The following PPP1R12B variants were observed in gnomAD, a reference collection of about 807,000 sequenced individuals.
The protein encoded by PPP1R12B is myosin phosphatase target subunit 2.
In PPP1R12B, 76 loss-of-function variants were observed where a neutral mutation model predicts 126.1. The ratio of observed to expected loss-of-function variants is 0.60; its 90% CI spans 0.50 to 0.73. The LOEUF (loss-of-function observed/expected upper bound fraction) is 0.73. Ranked by LOEUF, PPP1R12B falls within the 30% of genes least tolerant of loss-of-function variation. PPP1R12B has a pLI of 0.00. For synonymous variants in PPP1R12B, 356 were observed against 434.7 expected (o/e 0.82, Z 2.25); for missense variants, 1,052 against 1,205.1 (o/e 0.87, Z 1.88).
intron 18 of PPP1R12B, among the ~76,000 whole-genome samples, chr1:202,544,451 A>T (rs1009883217): frequency 1.3e-5 from 2 of 152,180 alleles, no homozygotes; most frequent in African/African-American, 4.8e-5. Flanking sequence ...TAATTTAAAA[A>T]TTTTTCAATG....
chr1:202,501,858 G>A, intron 18 of PPP1R12B: 2 of 985,072 alleles, frequency 2.0e-6, no homozygotes, highest in Non-Finnish European at 2.4e-6. Context: ...TTTTTACTCA[G>A]CAGGTTACAT....
chr1:202,398,993 T>A (rs750725939), intron 1 of PPP1R12B, among the ~76,000 whole-genome samples: 41 of 152,220 alleles, frequency 2.7e-4, no homozygotes, highest in South Asian at 4.1e-4. Flanking sequence ...ATATATATAT[T>A]TTTTGTAAAT....
intron 18 of PPP1R12B, among the ~76,000 whole-genome samples, chr1:202,526,674 T>G (rs1341686462): frequency 1.3e-5 from 2 of 152,108 alleles, no homozygotes; most frequent in African/African-American, 4.8e-5. Flanking sequence ...GGTTGAACAA[T>G]GAACAATAGT....
intron 18 of PPP1R12B, among the ~76,000 whole-genome samples, chr1:202,549,213 A>G (rs1166593155): frequency 1.3e-5 from 2 of 152,134 alleles, no homozygotes; most frequent in Non-Finnish European, 2.9e-5. Context: ...CTTATGTAAG[A>G]TCACTTACAA....
chr1:202,507,814 G>A (rs778757840), intron 18 of PPP1R12B, among the ~76,000 whole-genome samples: 10 of 152,148 alleles, frequency 6.6e-5, no homozygotes, highest in African/African-American at 9.7e-5. Flanking sequence ...GAGTTACCTC[G>A]GTTACAGAAG....
chr1:202,514,210 C>G (rs1319073875), intron 18 of PPP1R12B, among the ~76,000 whole-genome samples: 9 of 151,776 alleles, frequency 5.9e-5, no homozygotes, highest in Non-Finnish European at 1.3e-4. Flanking sequence ...TTTTCATATG[C>G]TTGTTGACTG....
chr1:202,509,113 A>G (rs1572332918), intron 18 of PPP1R12B, among the ~76,000 whole-genome samples: 1 of 152,382 alleles, frequency 6.6e-6, no homozygotes, highest in African/African-American at 2.4e-5. Flanking sequence ...TAGGTTACTG[A>G]TAGAAAAAGT....
chr1:202,446,247 TATATATATA>T (rs1672255978), intron 12 of PPP1R12B, among the ~76,000 whole-genome samples: 1 of 66,106 alleles, frequency 1.5e-5, no homozygotes, highest in African/African-American at 7.4e-5. Flanking sequence ...TATATATATA[TATATATATA>T]TTTTTTTTTT....
chr1:202,574,115 C>G (rs1415393062), intron 23 of PPP1R12B, among the ~76,000 whole-genome samples: 2 of 144,184 alleles, frequency 1.4e-5, no homozygotes, highest in African/African-American at 5.2e-5. Context: ...GCTGACAGTT[C>G]TTTCTTATTT....
At chr1:202,494,582 T>TAA (rs35373351) in intron 15 of PPP1R12B, among the ~76,000 whole-genome samples, 11 of 127,688 alleles carry the variant, frequency 8.6e-5, no homozygotes, top group Non-Finnish European at 1.3e-4. Context: ...TTCTCAGGTT[T>TAA]AAAAAAAAAA....
intron 1 of PPP1R12B, among the ~76,000 whole-genome samples, chr1:202,383,598 C>T (rs1456745231): frequency 1.3e-5 from 2 of 152,066 alleles, no homozygotes; most frequent in Admixed American, 6.6e-5. Flanking sequence ...GGGGCACACG[C>T]CTGTAATCAC....
chr1:202,417,215 G>A, intron 2 of PPP1R12B: 2 of 984,472 alleles, frequency 2.0e-6, no homozygotes, highest in Non-Finnish European at 2.4e-6. Flanking sequence ...CTGAACAACT[G>A]TAGCTGGGCA....
At chr1:202,435,860 G>A (rs1183551160) in intron 9 of PPP1R12B, among the ~76,000 whole-genome samples, 2 of 152,170 alleles carry the variant, frequency 1.3e-5, no homozygotes, top group Non-Finnish European at 2.9e-5. Context: ...AATTAAAGAG[G>A]CTTTGAATAA....
intron 1 of PPP1R12B, among the ~76,000 whole-genome samples, chr1:202,415,443 G>A (rs1186149278): frequency 1.3e-5 from 2 of 152,238 alleles, no homozygotes; most frequent in South Asian, 4.1e-4. Context: ...TGAAGTTTTA[G>A]CCTTGTTTTT....
At chr1:202,569,273 C>A in intron 23 of PPP1R12B, 76 bp downstream of exon 23, 1 of 1,415,238 alleles carries the variant, frequency 7.1e-7, no homozygotes, top group South Asian at 1.2e-5. Flanking sequence ...GAGCATAGGC[C>A]TGCCCCCTCC....
Position 202,409,085 on chromosome 1 carries a change from C to T in PPP1R12B, c.292-7702C>T, listed in dbSNP as rs998505528. ...AACTCCTGAGCTCAGGCAGTTCACT[C>T]GCCTCAGCCTACCAAAGTGCTAGAA... On this transcript the variant is annotated intron_variant, in intron 1 of 23. Coordinates refer to ENST00000608999, the MANE Select transcript of PPP1R12B (RefSeq NM_002481.4). 8.6e-5 allele frequency among the ~76,000 whole-genome samples: 13 copies of T among 151,844 alleles called. 1 individual carries two copies. Among genetic ancestry groups the T allele is most frequent in the African/African-American group, 2.7e-4 (11 of 41,328 alleles).
intron 23 of PPP1R12B, among the ~76,000 whole-genome samples, chr1:202,573,627 C>T (rs906122134): frequency 2.6e-5 from 4 of 152,102 alleles, no homozygotes; most frequent in Non-Finnish European, 5.9e-5. Context: ...GTCTCAGTTT[C>T]GGGGCAGTGC....
At chr1:202,425,332 C>G (rs914617060) in intron 3 of PPP1R12B, among the ~76,000 whole-genome samples, 2 of 152,156 alleles carry the variant, frequency 1.3e-5, no homozygotes, top group Non-Finnish European at 2.9e-5. Flanking sequence ...ATTTTAGGTG[C>G]ATTCCCTTAA....
intron 3 of PPP1R12B, among the ~76,000 whole-genome samples, chr1:202,423,411 A>G (rs577895225): frequency 2.0e-5 from 3 of 152,254 alleles, no homozygotes; most frequent in African/African-American, 7.2e-5. Flanking sequence ...CAGAGGATTT[A>G]GCTCCAGTGG....
Sources: allele counts gnomAD v4.1 joint callset (sites outside exome capture counted in the v4.1 genomes callset), GRCh38; gene constraint gnomAD v4.1.1; transcripts MANE v1.5; gene names NCBI Gene and HGNC (gene_info 2026-07-23, HGNC 2026-07-21).